Variants in CSMD2 observed in about 807,000 individuals in gnomAD.
CSMD2 encodes CUB and Sushi multiple domains 2, also known as CUB and sushi domain-containing protein 2.
CSMD2 carries 130 observed loss-of-function variants against 398.5 expected under a neutral mutation model. The ratio of observed to expected loss-of-function variants is 0.33; its 90% CI spans 0.28 to 0.38. The LOEUF (loss-of-function observed/expected upper bound fraction) is 0.38. Among genes scored for constraint, CSMD2 ranks in the 10% least tolerant of loss-of-function variants. The pLI is 1.00. For synonymous variants in CSMD2, 1,828 were observed against 1,908.5 expected (o/e 0.96, Z 1.10); for missense variants, 3,829 against 4,764.9 (o/e 0.80, Z 5.78).
At chr1:33,752,005 G>A (rs939457718) in intron 13 of CSMD2, among the ~76,000 whole-genome samples, 70 of 152,178 alleles carry the variant, frequency 4.6e-4, no homozygotes, top group African/African-American at 1.7e-3. Flanking sequence ...GCAACTGGCA[G>A]AAGGGAAGTG....
At chr1:33,936,491 C>T (rs769114510) in intron 3 of CSMD2, among the ~76,000 whole-genome samples, 1 of 152,186 alleles carries the variant, frequency 6.6e-6, no homozygotes, top group Non-Finnish European at 1.5e-5. Context: ...GCAGAATAGG[C>T]AGTGAAGTGG....
chr1:33,918,408 A>AT, intron 4 of CSMD2, 107 bp from the exon 5 acceptor site: 1 of 905,340 alleles, frequency 1.1e-6, no homozygotes, highest in Non-Finnish European at 1.7e-6. Context: ...CAAGAGTACA[A>AT]TTCACAGTTT....
chr1:33,978,572 T>C (rs1328014613), intron 3 of CSMD2, among the ~76,000 whole-genome samples: 1 of 152,080 alleles, frequency 6.6e-6, no homozygotes. Context: ...GGTCTAAGTT[T>C]GACACCTGAA....
At chr1:33,592,315 T>C (rs771601627) in intron 44 of CSMD2, 3 of 710,512 alleles carry the variant, frequency 4.2e-6, no homozygotes, top group Non-Finnish European at 7.8e-6. Flanking sequence ...TTTCAGGAGA[T>C]GGGTCCAGGC....
intron 24 of CSMD2, among the ~76,000 whole-genome samples, chr1:33,697,694 C>A (rs1337344223): frequency 6.6e-6 from 1 of 152,238 alleles, no homozygotes; most frequent in Non-Finnish European, 1.5e-5. Flanking sequence ...CCATGCAAAA[C>A]ATTCTCATAT....
chr1:33,741,629 A>G (rs1647071336), intron 14 of CSMD2, among the ~76,000 whole-genome samples: 1 of 152,198 alleles, frequency 6.6e-6, no homozygotes, highest in South Asian at 2.1e-4. Flanking sequence ...AGTGGTTAAC[A>G]TCTCTCCTTT....
Position 33,519,493 on chromosome 1 carries a change from C to T in CSMD2, c.*25G>A, listed in dbSNP as rs367889259. ...CTGCTGGAGGCGGGGCTCTCGGTGG[C>T]GGTGGTGGCGGCCAGGCCGGGTGGC... On this transcript the variant is annotated 3_prime_UTR_variant, in exon 70 of 71. Transcript: ENST00000373381. This position sits in a 1 kb window ranked among gnomAD's most constrained non-coding sequence, Gnocchi z 5.6. 8.1e-6 allele frequency: 13 copies of T among 1,599,790 alleles called. No homozygotes were observed. The highest frequency in any genetic ancestry group is 5.4e-5 in the African/African-American group (4 of 73,750).
intron 13 of CSMD2, among the ~76,000 whole-genome samples, chr1:33,748,093 C>A (rs558026971): frequency 6.6e-6 from 1 of 152,258 alleles, no homozygotes; most frequent in South Asian, 2.1e-4. Context: ...ACTCTTAGAA[C>A]AAGAATGTGG....
At chr1:33,690,762 T>G (rs1283656555) in intron 25 of CSMD2, among the ~76,000 whole-genome samples, 1 of 152,218 alleles carries the variant, frequency 6.6e-6, no homozygotes, top group African/African-American at 2.4e-5. Context: ...TCATTCATTC[T>G]TTCATTCATC....
intron 1 of CSMD2, among the ~76,000 whole-genome samples, chr1:34,153,999 G>A (rs778127126): frequency 6.6e-6 from 1 of 152,104 alleles, no homozygotes; most frequent in Admixed American, 6.5e-5. Flanking sequence ...TTAACAAAGG[G>A]CAACACCTAG....
At chr1:33,750,256 T>G (rs1442766695) in intron 13 of CSMD2, among the ~76,000 whole-genome samples, 2 of 152,078 alleles carry the variant, frequency 1.3e-5, no homozygotes, top group Non-Finnish European at 2.9e-5. Context: ...GATCCATCTG[T>G]TGGTAAACAG....
At chr1:33,652,225 T>C in intron 28 of CSMD2, 98 bp downstream of exon 28, 1 of 1,293,912 alleles carries the variant, frequency 7.7e-7, no homozygotes, top group Non-Finnish European at 1.1e-6. Flanking sequence ...AGCTGAGAAC[T>C]CTGCTACAGA....
chr1:33,793,579 A>C (rs1344295548), intron 10 of CSMD2, among the ~76,000 whole-genome samples: 3 of 152,234 alleles, frequency 2.0e-5, no homozygotes, highest in Non-Finnish European at 4.4e-5. Flanking sequence ...TCTACCCTCC[A>C]AAATTAGAAT....
chr1:33,528,268 C>A (rs1654958213), intron 64 of CSMD2, among the ~76,000 whole-genome samples: 1 of 152,232 alleles, frequency 6.6e-6, no homozygotes, highest in South Asian at 2.1e-4. Context: ...CTGAAACATA[C>A]CTCACAGGTC....
At chr1:33,952,063 A>G (rs1489304232) in intron 3 of CSMD2, among the ~76,000 whole-genome samples, 2 of 152,226 alleles carry the variant, frequency 1.3e-5, no homozygotes, top group Admixed American at 1.3e-4. Context: ...GACACTCAGC[A>G]TGGTGGGGAG....
chr1:33,805,725 C>T (rs1270832831), intron 10 of CSMD2, among the ~76,000 whole-genome samples: 1 of 151,992 alleles, frequency 6.6e-6, no homozygotes, highest in Non-Finnish European at 1.5e-5. Context: ...GCACTCTCTT[C>T]GTGTGTGCAC....
intron 5 of CSMD2, among the ~76,000 whole-genome samples, chr1:33,865,565 A>G (rs1639970980): frequency 6.6e-6 from 1 of 152,106 alleles, no homozygotes; most frequent in South Asian, 2.1e-4. Context: ...GGCCACAGTC[A>G]TTGGCTCAGT....
intron 5 of CSMD2, among the ~76,000 whole-genome samples, chr1:33,916,820 AACAG>A (rs1387097394): frequency 6.6e-6 from 1 of 151,640 alleles, no homozygotes; most frequent in African/African-American, 2.4e-5. Context: ...TTTCTTACCT[AACAG>A]ATAGATAGAC....
intron 1 of CSMD2, among the ~76,000 whole-genome samples, chr1:34,160,823 C>T (rs570887195): frequency 4.9e-4 from 74 of 152,278 alleles, no homozygotes; most frequent in Non-Finnish European, 8.8e-4. Flanking sequence ...TAAAAGCAAG[C>T]ACTCAGACAA....
Sources: allele counts gnomAD v4.1 joint callset (sites outside exome capture counted in the v4.1 genomes callset), GRCh38; gene constraint gnomAD v4.1.1; non-coding constraint Gnocchi (gnomAD v3.1); transcripts MANE v1.5; gene names NCBI Gene and HGNC (gene_info 2026-07-23, HGNC 2026-07-21).